The following MED21 variants were observed in gnomAD, a reference collection of about 807,000 sequenced individuals.
The protein encoded by MED21 is mediator of RNA polymerase II transcription subunit 21.
A neutral mutation model predicts 18.2 loss-of-function variants in MED21; 9 were observed. That is an observed-to-expected ratio of 0.49 (90% CI 0.30 to 0.86). The LOEUF (loss-of-function observed/expected upper bound fraction) is 0.86, where lower values mean the gene tolerates loss of function less well. Ranked by LOEUF, MED21 falls within the 40% of genes least tolerant of loss-of-function variation. The probability of loss-of-function intolerance (pLI) is 0.07; values close to 1 mark genes in which losing one functional copy is unlikely to be tolerated. For missense variants in MED21, 150 were observed against 170.9 expected, an observed-to-expected ratio of 0.88 and a Z score of 0.68; for synonymous variants, 73 against 60.5, an observed-to-expected ratio of 1.21 and a Z score of -0.96.
intron 1 of MED21, among the ~76,000 whole-genome samples, chr12:27,025,311 C>G (rs900197704): frequency 6.6e-6 from 1 of 152,114 alleles, no homozygotes; most frequent in Non-Finnish European, 1.5e-5. Flanking sequence ...TCATAAGTGA[C>G]TTTATGACTA....
At chr12:27,026,844 A>G (rs77839599) in intron 2 of MED21, among the ~76,000 whole-genome samples, 2 of 152,364 alleles carry the variant, frequency 1.3e-5, no homozygotes, top group East Asian at 1.9e-4. Context: ...CTATATTGTC[A>G]TAATAAATGA....
In MED21 at chr12:27,029,570, T is replaced by C. The variant is rs1179986756; in HGVS notation, c.*1109T>C. The C allele has an allele frequency of 1.0e-6, 1 of 985,350 alleles. No individual in the cohort carries two copies. Among genetic ancestry groups the C allele is most frequent in the East Asian group, 1.1e-4 (1 of 8,834 alleles). The allele number at this position is 985,350 out of a possible 1,614,324, so 61.0% of individuals were successfully genotyped here. Reference sequence around the variant, plus strand: ...AGAAAACAGGAACAATAGAACACTCTGCCTGTTATTTTTGTTGTAATCAAG... The same window carrying C: ...AGAAAACAGGAACAATAGAACACTCCGCCTGTTATTTTTGTTGTAATCAAG... On this transcript the variant is annotated 3_prime_UTR_variant, in exon 4 of 4. Transcript: ENST00000282892.
downstream of MED21, among the ~76,000 whole-genome samples, chr12:27,032,844 C>T (rs1008574002): frequency 6.6e-6 from 1 of 152,200 alleles, no homozygotes; most frequent in Admixed American, 6.5e-5. Flanking sequence ...TCCCCGTAAG[C>T]CACTGGACTT....
chr12:27,027,369 A>G lies in MED21; in HGVS notation c.180A>G (p.Ala60=). ...TAGAGTATGCCCAGCTTTTTGCAGC[A>G]CTGATTGCACGAACAGCAAAAGACA... The part of the protein sequence containing the change: ...PTEEYAQLFA[A]LIARTAKDID... Residue 60 remains alanine (A), a synonymous_variant, in exon 3 of 4, where the codon GCA becomes GCG. Coordinates refer to ENST00000282892, the MANE Select transcript of MED21 (RefSeq NM_004264.5). 6.2e-7 allele frequency: 1 copy of G among 1,613,692 alleles called. No individual in the cohort carries two copies.
At chr12:27,035,936 T>G (rs1224318276) in intron 2 of MED21, among the ~76,000 whole-genome samples, 1 of 152,162 alleles carries the variant, frequency 6.6e-6, no homozygotes, top group African/African-American at 2.4e-5. Context: ...TGATTTATAG[T>G]CCTTTGGGTG....
In MED21 at chr12:27,030,228, C is replaced by A. The variant is rs755409126; in HGVS notation, c.*1767C>A. On this transcript the variant is annotated 3_prime_UTR_variant, in exon 4 of 4. Transcript: ENST00000282892. The stretch of plus-strand genomic sequence containing the variant: ...GCTCACTGCAGCTTCACCCTGGGTT[C>A]AGGTGATCCTCCCACTTCAGCCTCT... 1 of 634,190 alleles carries A rather than the reference C, an allele frequency of 1.6e-6. No homozygotes were observed. Among genetic ancestry groups the A allele is most frequent in the South Asian group, 1.7e-5 (1 of 57,736 alleles). 39.3% of individuals were successfully genotyped at this position (634,190 alleles called of 1,614,324 possible).
rs1414578585 is a variant in MED21, at chr12:27,028,329, T to C, written c.303T>C (p.Ala101=). ...TAGAAGAAGAAAACCATGAAGCTGC[T>C]ACATGTCTGGAGGATGTTGTTTATC... The part of the protein sequence containing the change: ...YKLEEENHEA[A]TCLEDVVYRG... The change falls in exon 4 of 4, where the codon GCT becomes GCC. Residue 101 remains alanine (A), a synonymous_variant. Transcript: ENST00000282892. The C allele has an allele frequency of 6.2e-7, 1 of 1,614,168 alleles. No homozygotes were observed. The highest frequency in any genetic ancestry group is 1.1e-5 in the South Asian group (1 of 91,080).
rs1441174449 is a variant in MED21, at chr12:27,028,719, CATAAT to C, written c.*263_*267del. 4.5e-6 allele frequency: 5 copies of C among 1,114,224 alleles called. No homozygotes were observed. In the Admixed American group the frequency reaches 1.3e-4, roughly 30 times the overall value. 69.0% of individuals were successfully genotyped at this position (1,114,224 alleles called of 1,614,324 possible). A position where few individuals can be genotyped will look rare whatever the true frequency, so the allele number is the denominator to read the frequency against. On this transcript the variant is annotated 3_prime_UTR_variant, in exon 4 of 4. Transcript: ENST00000282892. ...TTAAGGCATGTAATACATTAATGAA[CATAAT>C]ATAAGGAAACATATGTAAAATTCTG...
intron 1 of MED21, among the ~76,000 whole-genome samples, chr12:27,023,892 T>C (rs918172102): frequency 2.0e-5 from 3 of 152,226 alleles, no homozygotes; most frequent in Admixed American, 6.5e-5. Context: ...TTAGTATCAT[T>C]ATCAAGTGTC....
chr12:27,028,798 A>C lies in MED21; in HGVS notation c.*337A>C. The C allele has an allele frequency of 1.0e-6, 1 of 1,001,194 alleles. No homozygotes were observed. The allele number at this position is 1,001,194 out of a possible 1,614,324, so 62.0% of individuals were successfully genotyped here. A position where few individuals can be genotyped will look rare whatever the true frequency, so the allele number is the denominator to read the frequency against. ...TTTTGTTGTATTGGCCAGTACTTTT[A>C]CAAATCAAAACATCTCTCAAGCCAA... On this transcript the variant is annotated 3_prime_UTR_variant, in exon 4 of 4. Transcript: ENST00000282892.
Position 27,029,416 on chromosome 12 carries a change from TCTC to T in MED21, c.*957_*959del, listed in dbSNP as rs1297125776. On this transcript the variant is annotated 3_prime_UTR_variant, in exon 4 of 4. Transcript: ENST00000282892. Reference sequence around the variant, plus strand: ...TGGATCTCTTTGAGTCTACTGATAATCTCCACTGGAAAGGTGGAATTGAAATGT... The same window carrying T: ...TGGATCTCTTTGAGTCTACTGATAATCACTGGAAAGGTGGAATTGAAATGT... 1.0e-6 allele frequency: 1 copy of T among 985,298 alleles called. No homozygotes were observed. The highest frequency in any genetic ancestry group is 1.7e-5 in the African/African-American group (1 of 57,246). 61.0% of individuals were successfully genotyped at this position (985,298 alleles called of 1,614,324 possible).
chr12:27,022,818 G>C, intron 1 of MED21, 197 bp downstream of exon 1: 1 of 1,503,906 alleles, frequency 6.6e-7, no homozygotes, highest in Non-Finnish European at 8.9e-7. Flanking sequence ...TTGAAGGTGC[G>C]GGAGGGAGCA....
intron 2 of MED21, among the ~76,000 whole-genome samples, chr12:27,027,072 G>A (rs916130326): frequency 1.3e-5 from 2 of 152,144 alleles, no homozygotes; most frequent in South Asian, 4.1e-4. Flanking sequence ...GGGATTACAG[G>A]CTCATGCCAC....
chr12:27,030,160 G>T lies in MED21; in HGVS notation c.*1699G>T. The T allele has an allele frequency of 1.5e-6, 1 of 653,788 alleles. No homozygotes were observed. The highest frequency in any genetic ancestry group is 1.8e-5 in the African/African-American group (1 of 55,856). 40.5% of individuals were successfully genotyped at this position (653,788 alleles called of 1,614,324 possible). A position where few individuals can be genotyped will look rare whatever the true frequency, so the allele number is the denominator to read the frequency against. On this transcript the variant is annotated 3_prime_UTR_variant, in exon 4 of 4. Transcript: ENST00000282892. ...GTTCTTGTTTCTGTTTTTTTAAGGT[G>T]AAGTCTCTGTCACCCAAGCTGAAGT...
Position 27,029,407 on chromosome 12 carries a change from T to C in MED21, c.*946T>C. The stretch of plus-strand genomic sequence containing the variant: ...TCCAACCCTTGGATCTCTTTGAGTC[T>C]ACTGATAATCTCCACTGGAAAGGTG... On this transcript the variant is annotated 3_prime_UTR_variant, in exon 4 of 4. Transcript: ENST00000282892. The C allele has an allele frequency of 1.0e-6, 1 of 985,452 alleles. No individual in the cohort carries two copies. Among genetic ancestry groups the C allele is most frequent in the Non-Finnish European group, 1.2e-6 (1 of 829,904 alleles). The allele number at this position is 985,452 out of a possible 1,614,324, so 61.0% of individuals were successfully genotyped here. A position where few individuals can be genotyped will look rare whatever the true frequency, so the allele number is the denominator to read the frequency against.
intron 1 of MED21, 103 bp downstream of exon 1, chr12:27,022,724 G>A (rs1941487648): frequency 1.3e-6 from 2 of 1,597,228 alleles, no homozygotes; most frequent in Non-Finnish European, 8.5e-7. Context: ...GGAGCGGACT[G>A]AGAGACAGGG....
Position 27,036,869 on chromosome 12 carries a change from G to A in MED21, n.147-9285G>A, listed in dbSNP as rs548514588. 4.1e-4 allele frequency among the ~76,000 whole-genome samples: 63 copies of A among 152,306 alleles called. 1 individual carries two copies. The highest frequency in any genetic ancestry group is 1.4e-3 in the African/African-American group (60 of 41,582). On this transcript the variant is annotated intron_variant and non_coding_transcript_variant, in intron 2 of 4. Transcript: ENST00000538186. ...TTGTAGTATAGTTTGAAGTCAGGTA[G>A]TGTGATGCCTCCAGCTTTGTTCTTT... is the stretch of plus-strand genomic sequence containing the variant.
At position 27,028,433 on chromosome 12, in the gene MED21, C is replaced by T. The variant is rs1442915147; in HGVS notation, c.407C>T (p.Thr136Ile). The T allele has an allele frequency of 6.2e-7, 1 of 1,613,870 alleles. No individual in the cohort carries two copies. Among genetic ancestry groups the T allele is most frequent in the Admixed American group, 1.7e-5 (1 of 59,986 alleles). Residue 136 changes from threonine to isoleucine, a missense_variant, in exon 4 of 4, where the codon ACC becomes ATC. Transcript: ENST00000282892. ...TCACAGCTGAAGACAAGAAGTGGTA[C>T]CCATAGCCAGTCTCTTCCAGACTCA... ...AQSQLKTRSG[T>I]HSQSLPDS is the part of the protein sequence containing the mutation.
At chr12:27,026,365 A>G in intron 1 of MED21, 55 bp from the exon 2 acceptor site, 1 of 1,079,344 alleles carries the variant, frequency 9.3e-7, no homozygotes, top group Non-Finnish European at 1.4e-6. Context: ...TTACCAATAA[A>G]GTCCTTAAAA....
Sources: allele counts gnomAD v4.1 joint callset (sites outside exome capture counted in the v4.1 genomes callset), GRCh38; gene constraint gnomAD v4.1.1; transcripts MANE v1.5; gene names NCBI Gene and HGNC (gene_info 2026-07-23, HGNC 2026-07-21).